AGMO: variants seen among roughly 807,000 people sequenced by gnomAD.
AGMO encodes the protein glyceryl-ether monooxygenase.
In AGMO, 75 loss-of-function variants were observed where a neutral mutation model predicts 60.2. That is an observed-to-expected ratio of 1.25 (90% confidence interval 1.03 to 1.51). The LOEUF (loss-of-function observed/expected upper bound fraction) is 1.51. AGMO is among the 40% of genes most tolerant of loss of function. The probability of loss-of-function intolerance (pLI) is 0.00; values close to 1 mark genes in which losing one functional copy is unlikely to be tolerated. For synonymous variants in AGMO, 261 were observed against 177.1 expected (o/e 1.47, Z -3.76); for missense variants, 763 against 525.5 (o/e 1.45, Z -4.42).
chr7:15,305,054 T>C (rs1230180385), intron 12 of AGMO, among the ~76,000 whole-genome samples: 3 of 151,862 alleles, frequency 2.0e-5, no homozygotes, highest in Non-Finnish European at 4.4e-5. Flanking sequence ...TATAGTTATA[T>C]TTGAAATATA....
At chr7:15,343,334 A>T (rs1781925737) in intron 12 of AGMO, among the ~76,000 whole-genome samples, 3 of 152,134 alleles carry the variant, frequency 2.0e-5, no homozygotes, top group African/African-American at 7.2e-5. Context: ...TCTTGCGGAA[A>T]TAATTATAGA....
At chr7:15,543,400 A>G (rs1158906815) in intron 3 of AGMO, among the ~76,000 whole-genome samples, 1 of 152,158 alleles carries the variant, frequency 6.6e-6, no homozygotes, top group Non-Finnish European at 1.5e-5. Flanking sequence ...GCAGCCAAGA[A>G]TCCCAAAAAG....
At chr7:15,430,712 C>T (rs1029334033) in intron 4 of AGMO, among the ~76,000 whole-genome samples, 1 of 150,076 alleles carries the variant, frequency 6.7e-6, no homozygotes, top group Admixed American at 6.7e-5. Context: ...ATCTATACAT[C>T]ACCCTCCTGG....
chr7:15,243,392 G>GTT (rs557368804), intron 12 of AGMO, among the ~76,000 whole-genome samples: 6 of 148,584 alleles, frequency 4.0e-5, no homozygotes, highest in African/African-American at 1.2e-4. Flanking sequence ...TGAGCTAGAT[G>GTT]TTTTTTTTTT....
intron 12 of AGMO, among the ~76,000 whole-genome samples, chr7:15,353,410 A>T (rs963003968): frequency 2.0e-5 from 3 of 152,146 alleles, no homozygotes; most frequent in Admixed American, 1.3e-4. Context: ...ACTCACTCAA[A>T]ATTCCTAGGC....
chr7:15,222,971 CTACT>C (rs1781968206), intron 12 of AGMO, among the ~76,000 whole-genome samples: 2 of 151,778 alleles, frequency 1.3e-5, no homozygotes, highest in African/African-American at 4.8e-5. Flanking sequence ...AAAATATGCC[CTACT>C]GATTTGTGAA....
At chr7:15,177,061 A>T in the AGMO span, among the ~76,000 whole-genome samples, 18 of 152,006 alleles carry the variant, frequency 1.2e-4, no homozygotes, top group Non-Finnish European at 4.4e-5. Context: ...TCATAAACAT[A>T]AAAAGGTAAT....
At chr7:15,327,764 T>G in intron 12 of AGMO, among the ~76,000 whole-genome samples, 1 of 55,588 alleles carries the variant, frequency 1.8e-5, no homozygotes, top group East Asian at 7.6e-4. Context: ...TTTTTTTTTT[T>G]TGAGACAAGG....
At chr7:15,186,116 T>G in the AGMO span, among the ~76,000 whole-genome samples, 15 of 152,122 alleles carry the variant, frequency 9.9e-5, no homozygotes, top group Admixed American at 9.2e-4. Context: ...TCGGAGACTC[T>G]CCCCCTTATT....
At chr7:15,480,024 A>G (rs975654867) in intron 3 of AGMO, among the ~76,000 whole-genome samples, 1 of 152,204 alleles carries the variant, frequency 6.6e-6, no homozygotes, top group Non-Finnish European at 1.5e-5. Flanking sequence ...TTGTTGTGGC[A>G]ACAGACAAGA....
chr7:15,121,686 G>C, the AGMO span, among the ~76,000 whole-genome samples: 1 of 152,162 alleles, frequency 6.6e-6, no homozygotes, highest in South Asian at 2.1e-4. Flanking sequence ...AACTACGGAA[G>C]GCTACAGTAA....
intron 12 of AGMO, among the ~76,000 whole-genome samples, chr7:15,341,447 G>A (rs1488702873): frequency 6.6e-6 from 1 of 152,116 alleles, no homozygotes; most frequent in Non-Finnish European, 1.5e-5. Context: ...CTCTATCTGA[G>A]ACCATCTCAG....
chr7:15,153,481 G>C, the AGMO span, among the ~76,000 whole-genome samples: 1 of 152,108 alleles, frequency 6.6e-6, no homozygotes, highest in African/African-American at 2.4e-5. Flanking sequence ...TGGGGTCTTA[G>C]ATTGAAGTCT....
the AGMO span, among the ~76,000 whole-genome samples, chr7:15,171,807 A>G: frequency 6.6e-6 from 1 of 152,200 alleles, no homozygotes; most frequent in African/African-American, 2.4e-5. Flanking sequence ...AATAAATATC[A>G]AGAAACTTGA....
chr7:15,489,187 A>G (rs1158702814), intron 3 of AGMO, among the ~76,000 whole-genome samples: 2 of 152,186 alleles, frequency 1.3e-5, no homozygotes, highest in Non-Finnish European at 2.9e-5. Flanking sequence ...TACTTTCACA[A>G]TTGTCATAAA....
rs558544552 is a variant in AGMO, at chr7:15,532,986, G to A, written c.409+11786C>T. Among the ~76,000 whole-genome samples, 380 of 152,176 alleles carry A rather than the reference G, an allele frequency of 2.5e-3. 1 individual carries two copies. Among genetic ancestry groups the A allele is most frequent in the African/African-American group, 8.8e-3 (366 of 41,540 alleles). On this transcript the variant is annotated intron_variant, in intron 3 of 12. Coordinates refer to ENST00000342526, the MANE Select transcript of AGMO (RefSeq NM_001004320.2). ...AGCCTGGGTGACAGAGCAAAACCCT[G>A]TCTCAAAAGACAAAACAAAACAAAC...
intron 12 of AGMO, among the ~76,000 whole-genome samples, chr7:15,327,921 T>C (rs1176528484): frequency 6.6e-6 from 1 of 150,674 alleles, no homozygotes; most frequent in Non-Finnish European, 1.5e-5. Context: ...GTATGCCATG[T>C]TGCCGGGCTA....
rs1270536390 is a variant in AGMO at position 15,548,108 on chromosome 7, G to C, written c.258-3185C>G. 9.6e-3 allele frequency among the ~76,000 whole-genome samples: 1,451 copies of C among 150,980 alleles called. 25 individuals carry two copies. Among genetic ancestry groups the C allele is most frequent in the African/African-American group, 0.033 (1,345 of 40,336 alleles). Reference sequence around the variant, plus strand: ...CAACAGACCTGCAGCTGACGGTCATGTCTGTTAGAAGGAAAACTAACAAAC... The same window carrying C: ...CAACAGACCTGCAGCTGACGGTCATCTCTGTTAGAAGGAAAACTAACAAAC... On this transcript the variant is annotated intron_variant, in intron 2 of 12. Transcript: ENST00000342526.
At chr7:15,335,313 T>C (rs1271515593) in intron 12 of AGMO, among the ~76,000 whole-genome samples, 1 of 152,176 alleles carries the variant, frequency 6.6e-6, no homozygotes, top group Non-Finnish European at 1.5e-5. Context: ...CATTCATTAA[T>C]ACTGATGAAA....
Sources: allele counts gnomAD v4.1 joint callset (sites outside exome capture counted in the v4.1 genomes callset), GRCh38; gene constraint gnomAD v4.1.1; transcripts MANE v1.5; gene names NCBI Gene and HGNC (gene_info 2026-07-23, HGNC 2026-07-21).